Variants in SFXN5 observed in about 807,000 individuals in gnomAD.
SFXN5 encodes sideroflexin 5.
SFXN5 carries 43 observed loss-of-function variants against 50.2 expected under a neutral mutation model. That is an observed-to-expected ratio of 0.86 (90% confidence interval 0.67 to 1.11). The LOEUF (loss-of-function observed/expected upper bound fraction) is 1.11, where lower values mean the gene tolerates loss of function less well. Ranked by LOEUF, SFXN5 falls within the 50% of genes least tolerant of loss-of-function variation. The pLI, the probability that SFXN5 is intolerant of heterozygous loss-of-function variation, is 0.00. For missense variants in SFXN5, 463 were observed against 454.1 expected, an observed-to-expected ratio of 1.02 and a Z score of -0.18; for synonymous variants, 203 against 185.8, an observed-to-expected ratio of 1.09 and a Z score of -0.75.
chr2:73,014,912 TTC>T (rs1391761310), intron 6 of SFXN5, among the ~76,000 whole-genome samples: 1 of 152,228 alleles, frequency 6.6e-6, no homozygotes, highest in Non-Finnish European at 1.5e-5. Context: ...ATGTTTTTCT[TTC>T]TTTCTTTCCA....
At chr2:73,019,859 T>C (rs1676640600) in intron 6 of SFXN5, 1 of 188,266 alleles carries the variant, frequency 5.3e-6, no homozygotes. Context: ...AAAAGAATGC[T>C]GAAAATTCTT....
rs1178525150 is a variant in SFXN5 at position 72,950,462 on chromosome 2, G to T, written c.946-5363C>A. Among the ~76,000 whole-genome samples, 2 of 152,220 alleles carry T rather than the reference G, an allele frequency of 1.3e-5. No individual in the cohort carries two copies. Among genetic ancestry groups the T allele is most frequent in the East Asian group, 3.9e-4 (2 of 5,184 alleles). On this transcript the variant is annotated intron_variant, in intron 13 of 13. Coordinates refer to ENST00000272433, the MANE Select transcript of SFXN5 (RefSeq NM_144579.3). The surrounding 1 kb of genome is among the most constrained non-coding windows in gnomAD (Gnocchi z 4.2). ...TCCAGCTCTCTGGCCATGGCCAGGT[G>T]TTGGGTCAGTGGCCACCATCTCTAG... is the stretch of plus-strand genomic sequence containing the variant.
intron 3 of SFXN5, among the ~76,000 whole-genome samples, chr2:73,032,903 G>A (rs1028620022): frequency 1.3e-5 from 2 of 152,166 alleles, no homozygotes; most frequent in African/African-American, 4.8e-5. Context: ...TTACTCCCAG[G>A]TAATATGTAC....
intron 12 of SFXN5, among the ~76,000 whole-genome samples, chr2:72,962,888 G>A (rs1673907016): frequency 1.3e-5 from 2 of 152,180 alleles, no homozygotes; most frequent in South Asian, 4.1e-4. Flanking sequence ...ACAGGATTGA[G>A]CAGTAGGACC....
In SFXN5 at chr2:73,023,223, G is replaced by T; in HGVS notation, c.250-9C>A. ...TTCTGTGCACTCCAGAGCTGGAAGA[G>T]AGATAAAGGAAAAGAAAATAAAGAA... On this transcript the variant is annotated splice_polypyrimidine_tract_variant and intron_variant, in intron 3 of 13. Coordinates refer to ENST00000272433, the MANE Select transcript of SFXN5 (RefSeq NM_144579.3). 2 of 1,598,232 alleles carry T rather than the reference G, an allele frequency of 1.3e-6. No homozygotes were observed. Among genetic ancestry groups the T allele is most frequent in the Non-Finnish European group, 1.7e-6 (2 of 1,171,646 alleles).
chr2:73,002,354 T>C (rs983708281), intron 6 of SFXN5, among the ~76,000 whole-genome samples: 2 of 152,242 alleles, frequency 1.3e-5, no homozygotes, highest in African/African-American at 4.8e-5. Context: ...ACCGTGTTTT[T>C]GGTTTAAGTC....
At chr2:73,050,421 C>T (rs1432345992) in intron 2 of SFXN5, among the ~76,000 whole-genome samples, 1 of 148,402 alleles carries the variant, frequency 6.7e-6, no homozygotes, top group Non-Finnish European at 1.5e-5. Context: ...CACACACACA[C>T]CCCTGCAGAG....
intron 6 of SFXN5, among the ~76,000 whole-genome samples, chr2:73,002,625 C>T (rs756191705): frequency 6.6e-6 from 1 of 152,182 alleles, no homozygotes; most frequent in East Asian, 1.9e-4. Context: ...TAGACATCCC[C>T]AGCAGCATTA....
At chr2:73,020,416 C>T (rs1192662698) in intron 5 of SFXN5, 152 bp from the exon 6 acceptor site, 6 of 686,726 alleles carry the variant, frequency 8.7e-6, no homozygotes, top group South Asian at 1.9e-5. Flanking sequence ...TCTCATAGAC[C>T]CTTTCCCAGT....
chr2:73,063,052 A>C (rs1682932056), intron 1 of SFXN5, among the ~76,000 whole-genome samples: 1 of 152,208 alleles, frequency 6.6e-6, no homozygotes. Context: ...GCAGCCACAG[A>C]TGATGCCTCA....
Position 72,942,202 on chromosome 2 carries a change from G to C in SFXN5, c.*2820C>G, listed in dbSNP as rs1052039778. The C allele has an allele frequency of 1.3e-5, 2 of 152,188 alleles. No homozygotes were observed. The highest frequency in any genetic ancestry group is 1.9e-4 in the East Asian group (1 of 5,188). 9.4% of individuals were successfully genotyped at this position (152,188 alleles called of 1,614,324 possible). On this transcript the variant is annotated 3_prime_UTR_variant, in exon 14 of 14. Transcript: ENST00000272433. ...TGGGCCAGGCTTGAAGACCACCCTG[G>C]GTCTGTCCACCAGCCTTTTTCCTCC...
intron 6 of SFXN5, among the ~76,000 whole-genome samples, chr2:73,009,670 C>T (rs770192108): frequency 1.6e-4 from 25 of 152,334 alleles, no homozygotes; most frequent in Admixed American, 1.2e-3. Context: ...ACACCACATG[C>T]GTTTATTCAC....
At chr2:73,005,420 A>G (rs1261079900) in intron 6 of SFXN5, among the ~76,000 whole-genome samples, 1 of 152,176 alleles carries the variant, frequency 6.6e-6, no homozygotes, top group African/African-American at 2.4e-5. Context: ...TTTACCAGCT[A>G]TGTGACCACA....
In SFXN5 at chr2:72,960,850, A is replaced by T. The variant is rs1027205370; in HGVS notation, c.945+281T>A. Among the ~76,000 whole-genome samples the T allele has an allele frequency of 2.0e-5, 3 of 151,708 alleles. No individual in the cohort carries two copies. Among genetic ancestry groups the T allele is most frequent in the African/African-American group, 7.3e-5 (3 of 41,262 alleles). ...ACGCTCCCAGTCCCAGTGAAATGTC[A>T]CTTCCCTCTAGGCTCAGTTTGGTCT... is the stretch of plus-strand genomic sequence containing the variant. On this transcript the variant is annotated intron_variant, in intron 13 of 13. Transcript: ENST00000272433. The surrounding 1 kb of genome is among the most constrained non-coding windows in gnomAD (Gnocchi z 6.1).
At chr2:73,004,309 G>GCACACACACACA (rs1491479338) in intron 6 of SFXN5, among the ~76,000 whole-genome samples, 12 of 89,514 alleles carry the variant, frequency 1.3e-4, no homozygotes, top group African/African-American at 6.9e-4. Flanking sequence ...AGGAATGAGT[G>GCACACACACACA]CGCGCGCACA....
rs957150922 is a variant in SFXN5, at chr2:72,961,628, G to T, written c.828-380C>A. 6.6e-6 allele frequency among the ~76,000 whole-genome samples: 1 copy of T among 152,198 alleles called. No homozygotes were observed. ...TGTTCCTGGGGAGACACATAGGGAC[G>T]TAAGATCGCTCTCGAGGGCAGCACG... is the stretch of plus-strand genomic sequence containing the variant. On this transcript the variant is annotated intron_variant, in intron 12 of 13. Coordinates refer to ENST00000272433, the MANE Select transcript of SFXN5 (RefSeq NM_144579.3). This position sits in a 1 kb window ranked among gnomAD's most constrained non-coding sequence, Gnocchi z 4.4.
intron 12 of SFXN5, among the ~76,000 whole-genome samples, chr2:72,963,541 AG>A (rs1016228116): frequency 1.4e-5 from 2 of 145,210 alleles, no homozygotes; most frequent in African/African-American, 2.6e-5. Context: ...GGGGGAAGGG[AG>A]GGGGGAGGAA....
intron 2 of SFXN5, among the ~76,000 whole-genome samples, chr2:73,050,225 T>C (rs574070099): frequency 2.2e-4 from 33 of 152,228 alleles, no homozygotes; most frequent in Non-Finnish European, 3.7e-4. Context: ...GGTGGCTCTA[T>C]TGTTCTGGGG....
chr2:73,020,390 C>T (rs1027199696), intron 5 of SFXN5, 126 bp from the exon 6 acceptor site: 7 of 831,214 alleles, frequency 8.4e-6, no homozygotes, highest in African/African-American at 5.2e-5. Context: ...GTCAGTTAGG[C>T]GGGAGGCATC....
Sources: gnomAD v4.1 joint callset for allele counts (sites outside exome capture counted in the v4.1 genomes callset) on GRCh38, gnomAD v4.1.1 for gene constraint, Gnocchi (gnomAD v3.1) non-coding constraint, MANE v1.5 for transcripts, NCBI Gene and HGNC (gene_info 2026-07-23, HGNC 2026-07-21) for gene names.